UTRN: variants seen among roughly 807,000 people sequenced by gnomAD.
UTRN encodes utrophin.
Under a neutral mutation model 463.9 loss-of-function variants are expected in UTRN, and 283 were observed. The ratio of observed to expected loss-of-function variants is 0.61; its 90% confidence interval spans 0.55 to 0.67. The LOEUF is 0.67. Among genes scored for constraint, UTRN ranks in the 30% least tolerant of loss-of-function variants. The pLI, the probability that UTRN is intolerant of heterozygous loss-of-function variation, is 0.00. For synonymous variants in UTRN, 1,442 were observed against 1,431.5 expected (o/e 1.01, Z -0.17); for missense variants, 3,922 against 4,084.3 (o/e 0.96, Z 1.08).
chr6:144,551,147 A>G, intron 48 of UTRN, 65 bp downstream of exon 48: 1 of 792,698 alleles, frequency 1.3e-6, no homozygotes. Context: ...ACACACACAC[A>G]CACACACACA....
chr6:144,526,823 GTCT>G (rs1210152738), intron 41 of UTRN, among the ~76,000 whole-genome samples: 3 of 151,034 alleles, frequency 2.0e-5, no homozygotes, highest in Non-Finnish European at 4.4e-5. Flanking sequence ...TTGTTGACAG[GTCT>G]TCTTCTGTCA....
At position 144,514,040 on chromosome 6, in the gene UTRN, A is replaced by G; in HGVS notation, c.5073+3A>G. 1 of 1,613,754 alleles carries G rather than the reference A, an allele frequency of 6.2e-7. No homozygotes were observed. Among genetic ancestry groups the G allele is most frequent in the Non-Finnish European group, 8.5e-7 (1 of 1,179,792 alleles). On this transcript the variant is annotated splice_donor_region_variant and intron_variant, in intron 36 of 74. Transcript: ENST00000367545. ...GTAAACAGGAAGAAATTGTGAAGGT[A>G]GCAAACACAGACATCAGTAACGCTT...
At chr6:144,469,754 G>A (rs1341547037) in intron 23 of UTRN, among the ~76,000 whole-genome samples, 1 of 143,204 alleles carries the variant, frequency 7.0e-6, no homozygotes, top group African/African-American at 2.8e-5. Flanking sequence ...TCGGAGAGGG[G>A]GATTTGGCAG....
chr6:144,437,555 C>T lies in UTRN; in HGVS notation c.1060-10C>T, dbSNP rs764507530. Reference sequence around the variant, plus strand: ...AGTAGCTCACAAATTATAACAATGTCCCTTTCTAGGCTTTTATGATGGAAC... The same window carrying T: ...AGTAGCTCACAAATTATAACAATGTTCCTTTCTAGGCTTTTATGATGGAAC... On this transcript the variant is annotated splice_polypyrimidine_tract_variant and intron_variant, in intron 10 of 74. Transcript: ENST00000367545. 6.3e-7 allele frequency: 1 copy of T among 1,582,504 alleles called. No homozygotes were observed. Among genetic ancestry groups the T allele is most frequent in the Non-Finnish European group, 8.6e-7 (1 of 1,167,728 alleles).
At chr6:144,551,568 G>C (rs1798922699) in intron 48 of UTRN, among the ~76,000 whole-genome samples, 1 of 152,178 alleles carries the variant, frequency 6.6e-6, no homozygotes, top group South Asian at 2.1e-4. Context: ...TTATAAATGA[G>C]AGAAAACAAC....
chr6:144,643,105 C>A (rs1480861028), intron 51 of UTRN, among the ~76,000 whole-genome samples: 2 of 151,934 alleles, frequency 1.3e-5, no homozygotes. Context: ...AATAGATTGT[C>A]CTGGAAAACC....
intron 34 of UTRN, among the ~76,000 whole-genome samples, chr6:144,501,809 T>C (rs1794208444): frequency 6.6e-6 from 1 of 152,220 alleles, no homozygotes; most frequent in Non-Finnish European, 1.5e-5. Context: ...TTAAGTCTTA[T>C]ACATATTATG....
chr6:144,364,997 T>C (rs1244746087), intron 2 of UTRN, among the ~76,000 whole-genome samples: 1 of 152,210 alleles, frequency 6.6e-6, no homozygotes, highest in Non-Finnish European at 1.5e-5. Context: ...AGTCAGTTGA[T>C]TAGCAAACAA....
intron 25 of UTRN, among the ~76,000 whole-genome samples, chr6:144,477,580 T>G (rs1456947466): frequency 6.6e-6 from 1 of 151,938 alleles, no homozygotes; most frequent in East Asian, 1.9e-4. Context: ...CCTTTTTTTT[T>G]GGTACTTTTG....
chr6:144,836,939 A>G (rs962301517), intron 71 of UTRN, among the ~76,000 whole-genome samples: 1 of 152,240 alleles, frequency 6.6e-6, no homozygotes, highest in Admixed American at 6.5e-5. Flanking sequence ...TCCAAGAATC[A>G]TTATTTTCTA....
intron 52 of UTRN, among the ~76,000 whole-genome samples, chr6:144,683,276 G>A (rs775692332): frequency 1.3e-5 from 2 of 152,158 alleles, no homozygotes; most frequent in African/African-American, 4.8e-5. Context: ...ATGGCCTGTC[G>A]TCAAGTGGAC....
At chr6:144,711,549 A>G (rs1193697657) in intron 53 of UTRN, among the ~76,000 whole-genome samples, 1 of 152,222 alleles carries the variant, frequency 6.6e-6, no homozygotes, top group African/African-American at 2.4e-5. Flanking sequence ...TTGTAATGTT[A>G]TGGATTTACT....
At chr6:144,287,208 G>A (rs528747651) in intron 1 of UTRN, among the ~76,000 whole-genome samples, 1 of 152,316 alleles carries the variant, frequency 6.6e-6, no homozygotes, top group East Asian at 1.9e-4. Context: ...TGCGGTGACG[G>A]ACAGGGTTGG....
At chr6:144,466,890 G>A (rs934346734) in intron 23 of UTRN, among the ~76,000 whole-genome samples, 3 of 152,086 alleles carry the variant, frequency 2.0e-5, no homozygotes, top group African/African-American at 4.8e-5. Flanking sequence ...TCCTCCTCCA[G>A]GCCCTTCCTT....
chr6:144,337,237 C>T (rs564592972), intron 2 of UTRN, among the ~76,000 whole-genome samples: 119 of 151,426 alleles, frequency 7.9e-4, no homozygotes, highest in Non-Finnish European at 1.3e-3. Context: ...AGGAGGGCCA[C>T]CCTGGGAGGA....
In UTRN at chr6:144,836,254, G is replaced by A. The variant is rs563313697; in HGVS notation, c.9825-47G>A. ...ACCTCACAGACGATTTTGGAGAGAC[G>A]ATAATGCACGTGGTAGTCATTCTGT... On this transcript the variant is annotated intron_variant, in intron 70 of 74. Coordinates refer to ENST00000367545, the MANE Select transcript of UTRN (RefSeq NM_007124.3). The A allele has an allele frequency of 2.5e-5, 41 of 1,610,856 alleles. No individual in the cohort carries two copies. The East Asian group carries it at 5.1e-4, about 20-fold the overall frequency.
At chr6:144,550,846 C>T in intron 47 of UTRN, 119 bp from the exon 48 acceptor site, 1 of 719,524 alleles carries the variant, frequency 1.4e-6, no homozygotes, top group Non-Finnish European at 2.1e-6. Context: ...GTTGCTGATG[C>T]TTCACTATGC....
In UTRN at chr6:144,421,856, T is replaced by G. The variant is rs755561920; in HGVS notation, c.142-22T>G. On this transcript the variant is annotated intron_variant, in intron 3 of 74. Coordinates refer to ENST00000367545, the MANE Select transcript of UTRN (RefSeq NM_007124.3). ...TCTGCTGTTGGCATACCCCATATTTTATTTGTGTTTTTCTTTTACAGAGTG... is the reference window on the plus strand; with the variant it reads ...TCTGCTGTTGGCATACCCCATATTTGATTTGTGTTTTTCTTTTACAGAGTG... 27 of 1,598,730 alleles carry G rather than the reference T, an allele frequency of 1.7e-5. No individual in the cohort carries two copies. In the Admixed American group the frequency reaches 4.6e-4, roughly 27 times the overall value.
chr6:144,642,977 A>G (rs1777916994), intron 51 of UTRN, among the ~76,000 whole-genome samples: 1 of 152,130 alleles, frequency 6.6e-6, no homozygotes, highest in African/African-American at 2.4e-5. Context: ...CAGAATCCCA[A>G]ATCCTCTGCT....
Sources: gnomAD v4.1 joint callset for allele counts (sites outside exome capture counted in the v4.1 genomes callset) on GRCh38, gnomAD v4.1.1 for gene constraint, MANE v1.5 for transcripts, NCBI Gene and HGNC (gene_info 2026-07-23, HGNC 2026-07-21) for gene names.